Variants in PCNT observed in about 807,000 individuals in gnomAD.
PCNT encodes the protein kendrin.
A neutral mutation model predicts 380.4 loss-of-function variants in PCNT; 319 were observed. That is an observed-to-expected ratio of 0.84 (90% CI 0.77 to 0.92). The LOEUF (loss-of-function observed/expected upper bound fraction) is 0.92, where lower values mean the gene tolerates loss of function less well. Among genes scored for constraint, PCNT ranks in the 40% least tolerant of loss-of-function variants. The pLI is 0.00. For missense variants in PCNT, 4,400 were observed against 4,255.3 expected (o/e 1.03, Z -0.95); for synonymous variants, 1,845 against 1,735.2 (o/e 1.06, Z -1.57).
chr21:46,423,065 T>G (rs183646830), intron 32 of PCNT, among the ~76,000 whole-genome samples: 1 of 152,036 alleles, frequency 6.6e-6, no homozygotes, highest in Non-Finnish European at 1.5e-5. Flanking sequence ...CTGGGCAACA[T>G]AGTAAGACCC....
Position 46,397,305 on chromosome 21 carries a change from G to T in PCNT, c.4257G>T (p.Ser1419=). The change falls in exon 22 of 47, where the codon TCG becomes TCT. Residue 1419 remains serine, a synonymous_variant. Transcript: ENST00000359568. The part of the protein sequence containing the change: ...KEVEDLTKEQ[S]ETRKQAEKDR... The stretch of plus-strand genomic sequence containing the variant: ...TGGAGGATCTGACCAAAGAACAGTC[G>T]GAGACCAGGAAGCAGGCTGAGAAGG... The T allele has an allele frequency of 6.2e-7, 1 of 1,614,076 alleles. No individual in the cohort carries two copies. The highest frequency in any genetic ancestry group is 8.5e-7 in the Non-Finnish European group (1 of 1,180,010).
At chr21:46,395,130 G>A (rs567640707) in intron 21 of PCNT, among the ~76,000 whole-genome samples, 1 of 152,350 alleles carries the variant, frequency 6.6e-6, no homozygotes, top group South Asian at 2.1e-4. Context: ...CGGACTCGCC[G>A]TTAACTGCTG....
Position 46,425,737 on chromosome 21 carries a change from A to G in PCNT, c.7180-94A>G. On this transcript the variant is annotated intron_variant, in intron 32 of 46. Coordinates refer to ENST00000359568, the MANE Select transcript of PCNT (RefSeq NM_006031.6). This position sits in a 1 kb window ranked among gnomAD's most constrained non-coding sequence, Gnocchi z 4.2. ...CTCTCCACAGCTGCCCGCCCTTCACAGAGTCCTGGCGGCAGCTCGGGGCCG... is the reference window on the plus strand; with the variant it reads ...CTCTCCACAGCTGCCCGCCCTTCACGGAGTCCTGGCGGCAGCTCGGGGCCG... The G allele has an allele frequency of 6.4e-7, 1 of 1,574,494 alleles. No individual in the cohort carries two copies. The highest frequency in any genetic ancestry group is 1.7e-5 in the Admixed American group (1 of 59,894).
At chr21:46,372,879 A>G (rs2085199969) in intron 15 of PCNT, among the ~76,000 whole-genome samples, 1 of 152,230 alleles carries the variant, frequency 6.6e-6, no homozygotes, top group South Asian at 2.1e-4. Context: ...TGGAAAAGTC[A>G]GATTCTGTCT....
rs761623009 is a variant in PCNT, at chr21:46,346,226, G to A, written c.720+18G>A. The A allele has an allele frequency of 2.8e-5, 45 of 1,599,696 alleles. No homozygotes were observed. Among genetic ancestry groups the A allele is most frequent in the South Asian group, 1.1e-4 (10 of 90,814 alleles). ...AGAGTCAGGTGACCCGGCGGGGCCT[G>A]CACAGGCTCACAGCATGGGCTCTGT... On this transcript the variant is annotated intron_variant, in intron 4 of 46. Transcript: ENST00000359568.
chr21:46,372,857 G>T (rs1450130462), intron 15 of PCNT, among the ~76,000 whole-genome samples: 1 of 152,192 alleles, frequency 6.6e-6, no homozygotes, highest in Non-Finnish European at 1.5e-5. Context: ...TATCGTGTGG[G>T]TCTGTCTTCT....
Position 46,357,084 on chromosome 21 carries a change from C to G in PCNT, c.2047C>G (p.Leu683Val), listed in dbSNP as rs755757701. Residue 683 changes from leucine to valine, a missense_variant, in exon 13 of 47, where the codon CTT becomes GTT. Coordinates refer to ENST00000359568, the MANE Select transcript of PCNT (RefSeq NM_006031.6). ...LETEHKVQLS[L>V]LQTELKEEIE... ...AACTGAGCACAAGGTGCAACTTTCGCTTCTTCAGACTGAGCTCAAAGAAGA... is the reference window on the plus strand; with the variant it reads ...AACTGAGCACAAGGTGCAACTTTCGGTTCTTCAGACTGAGCTCAAAGAAGA... 10 of 1,613,788 alleles carry G rather than the reference C, an allele frequency of 6.2e-6. No homozygotes were observed. The highest frequency in any genetic ancestry group is 5.3e-5 in the African/African-American group (4 of 74,920).
In PCNT at chr21:46,390,661, T is replaced by A. The variant is rs547070585; in HGVS notation, c.3841-9T>A. The A allele has an allele frequency of 1.7e-5, 28 of 1,613,978 alleles. No homozygotes were observed. The South Asian group carries it at 2.9e-4, about 16-fold the overall frequency. ...TCTGGAGTTTTGATTTGCAAATGTG[T>A]TTTAACAGCTGGAAGAAGCACGCCA... On this transcript the variant is annotated splice_polypyrimidine_tract_variant and intron_variant, in intron 19 of 46. Transcript: ENST00000359568.
At chr21:46,427,066 G>A (rs1454673815) in intron 33 of PCNT, among the ~76,000 whole-genome samples, 1 of 152,174 alleles carries the variant, frequency 6.6e-6, no homozygotes, top group African/African-American at 2.4e-5. Flanking sequence ...GGGGACCAGC[G>A]GGTAGCCCCT....
At chr21:46,360,872 T>C (rs2084690434) in intron 13 of PCNT, among the ~76,000 whole-genome samples, 1 of 152,198 alleles carries the variant, frequency 6.6e-6, no homozygotes, top group South Asian at 2.1e-4. Context: ...GTTGCAGTGC[T>C]GAGTCTATAA....
chr21:46,427,802 G>A lies in PCNT; in HGVS notation c.7494+7G>A, dbSNP rs766620251. The A allele has an allele frequency of 6.2e-7, 1 of 1,613,028 alleles. No homozygotes were observed. The highest frequency in any genetic ancestry group is 8.5e-7 in the Non-Finnish European group (1 of 1,179,972). ...GAAGATCATCCGTGAGCAGGTGAGTGTCAGCTCTGCCACCAGGCCTCAGTT... is the reference window on the plus strand; with the variant it reads ...GAAGATCATCCGTGAGCAGGTGAGTATCAGCTCTGCCACCAGGCCTCAGTT... On this transcript the variant is annotated splice_region_variant and intron_variant, in intron 34 of 46. Coordinates refer to ENST00000359568, the MANE Select transcript of PCNT (RefSeq NM_006031.6).
At chr21:46,426,912 G>A (rs1300768558) in intron 33 of PCNT, among the ~76,000 whole-genome samples, 2 of 152,178 alleles carry the variant, frequency 1.3e-5, no homozygotes, top group Non-Finnish European at 2.9e-5. Flanking sequence ...TGCCTGGAAC[G>A]CACAGGGTGT....
At chr21:46,391,051 G>T (rs1300938888) in intron 20 of PCNT, 113 bp from the exon 21 acceptor site, 1 of 1,202,476 alleles carries the variant, frequency 8.3e-7, no homozygotes, top group Non-Finnish European at 1.2e-6. Flanking sequence ...GGAAGCTGCT[G>T]GCTCTTAGCT....
At chr21:46,361,483 C>A (rs2146822313) in intron 13 of PCNT, among the ~76,000 whole-genome samples, 1 of 152,360 alleles carries the variant, frequency 6.6e-6, no homozygotes, top group East Asian at 1.9e-4. Context: ...GTTGTGTAAA[C>A]TGTGACCTCT....
chr21:46,401,426 G>A, intron 25 of PCNT, 125 bp from the exon 26 acceptor site: 2 of 783,792 alleles, frequency 2.6e-6, no homozygotes, highest in Non-Finnish European at 4.4e-6. Flanking sequence ...CTGAGTGCAG[G>A]GGCGTGCAGG....
intron 11 of PCNT, among the ~76,000 whole-genome samples, chr21:46,354,861 A>G (rs955119180): frequency 1.3e-5 from 2 of 152,162 alleles, no homozygotes; most frequent in Non-Finnish European, 2.9e-5. Context: ...ACAAGAGGCT[A>G]TGGGGGAAAT....
Position 46,397,601 on chromosome 21 carries a change from G to C in PCNT, c.4446+107G>C, listed in dbSNP as rs148705036. On this transcript the variant is annotated intron_variant, in intron 22 of 46. Transcript: ENST00000359568. Reference sequence around the variant, plus strand: ...AGCTTCTGCAGTAGGATGTTGAAGAGGGCGCCCCACACCTGCTGCACAGGT... The same window carrying C: ...AGCTTCTGCAGTAGGATGTTGAAGACGGCGCCCCACACCTGCTGCACAGGT... 2.4e-4 allele frequency: 231 copies of C among 944,452 alleles called. No homozygotes were observed. The East Asian group carries it at 5.6e-3, about 23-fold the overall frequency. 58.5% of individuals were successfully genotyped at this position (944,452 alleles called of 1,614,324 possible). A position where few individuals can be genotyped will look rare whatever the true frequency, so the allele number is the denominator to read the frequency against.
chr21:46,361,450 A>T (rs756739641), intron 13 of PCNT, among the ~76,000 whole-genome samples: 1 of 152,222 alleles, frequency 6.6e-6, no homozygotes, highest in African/African-American at 2.4e-5. Flanking sequence ...AGTACAGTCT[A>T]CTAAGAGTCA....
chr21:46,431,481 CTT>C (rs1491483101), intron 37 of PCNT, 46 bp from the exon 38 acceptor site: 2 of 1,613,468 alleles, frequency 1.2e-6, no homozygotes, highest in Non-Finnish European at 1.7e-6. Context: ...CATGTAGACA[CTT>C]TTCCTCTTGA....
Sources: gnomAD v4.1 joint callset for allele counts (sites outside exome capture counted in the v4.1 genomes callset) on GRCh38, gnomAD v4.1.1 for gene constraint, Gnocchi (gnomAD v3.1) non-coding constraint, MANE v1.5 for transcripts, NCBI Gene and HGNC (gene_info 2026-07-23, HGNC 2026-07-21) for gene names.